The following CENPE variants were observed in gnomAD, a reference collection of about 807,000 sequenced individuals.
The protein encoded by CENPE is centromere-associated protein E.
A neutral mutation model predicts 336.1 loss-of-function variants in CENPE; 145 were observed. The observed-to-expected ratio is 0.43, with a 90% CI of 0.38 to 0.50. The LOEUF is 0.50. Ranked by LOEUF, CENPE falls within the 20% of genes least tolerant of loss-of-function variation. The pLI, the probability that CENPE is intolerant of heterozygous loss-of-function variation, is 0.00. For synonymous variants in CENPE, 1,013 were observed against 984.8 expected, an observed-to-expected ratio of 1.03 and a Z score of -0.54; for missense variants, 2,719 against 3,023.3, an observed-to-expected ratio of 0.90 and a Z score of 2.36.
At chr4:103,190,402 G>A (rs139787862) in intron 8 of CENPE, among the ~76,000 whole-genome samples, 1 of 152,210 alleles carries the variant, frequency 6.6e-6, no homozygotes, top group Non-Finnish European at 1.5e-5. Context: ...ATACTACAAG[G>A]CTACAGTAAC....
chr4:103,136,322 T>G lies in CENPE; in HGVS notation c.6341A>C (p.Tyr2114Ser), dbSNP rs1420646955. 1 of 1,612,236 alleles carries G rather than the reference T, an allele frequency of 6.2e-7. No homozygotes were observed. Among genetic ancestry groups the G allele is most frequent in the Non-Finnish European group, 8.5e-7 (1 of 1,179,532 alleles). Residue 2114 changes from tyrosine (Y) to serine (S), a missense_variant, in exon 40 of 49, where the codon TAT becomes TCT. By Grantham distance (144) the Tyr-to-Ser change is moderately radical. Coordinates refer to ENST00000265148, the MANE Select transcript of CENPE (RefSeq NM_001813.3). ...AAGAGACAATCTATTCAAGCACTCATAATGATCATCCATCTCTGAGTATCT... is the reference window on the plus strand; with the variant it reads ...AAGAGACAATCTATTCAAGCACTCAGAATGATCATCCATCTCTGAGTATCT... ...LKRYSEMDDH[Y>S]ECLNRLSLDL...
intron 34 of CENPE, 64 bp from the exon 35 acceptor site, chr4:103,141,972 G>A: frequency 2.0e-6 from 2 of 1,013,424 alleles, no homozygotes; most frequent in South Asian, 1.5e-5. Flanking sequence ...AAAAAATAAA[G>A]TGATATATTT....
intron 39 of CENPE, among the ~76,000 whole-genome samples, chr4:103,136,923 T>C (rs1298434247): frequency 6.6e-6 from 1 of 152,190 alleles, no homozygotes; most frequent in African/African-American, 2.4e-5. Context: ...GGGAAGTCAC[T>C]GAGCCATTTT....
intron 44 of CENPE, among the ~76,000 whole-genome samples, chr4:103,118,192 C>T (rs1245883287): frequency 6.6e-6 from 1 of 152,134 alleles, no homozygotes; most frequent in African/African-American, 2.4e-5. Flanking sequence ...TTTCCACTAG[C>T]AATTAATGAG....
intron 46 of CENPE, among the ~76,000 whole-genome samples, chr4:103,112,688 A>C (rs1560587896): frequency 7.5e-6 from 1 of 132,590 alleles, no homozygotes; most frequent in African/African-American, 2.8e-5. Context: ...ACTTGTAAGT[A>C]TATATAAGTG....
At chr4:103,142,136 A>G (rs1752614785) in intron 34 of CENPE, among the ~76,000 whole-genome samples, 1 of 152,152 alleles carries the variant, frequency 6.6e-6, no homozygotes, top group Non-Finnish European at 1.5e-5. Context: ...AGTGTTGCAT[A>G]GTATTTCGAT....
intron 46 of CENPE, among the ~76,000 whole-genome samples, chr4:103,112,353 A>G (rs1396071678): frequency 6.8e-6 from 1 of 147,348 alleles, no homozygotes; most frequent in Non-Finnish European, 1.5e-5. Context: ...ATATAAGTAT[A>G]TATATGTAAG....
At chr4:103,175,762 C>G (rs1005579206) in intron 15 of CENPE, among the ~76,000 whole-genome samples, 198 bp downstream of exon 15, 1 of 152,142 alleles carries the variant, frequency 6.6e-6, no homozygotes, top group Non-Finnish European at 1.5e-5. Context: ...GGTTTACCTA[C>G]TAGCACATGT....
intron 45 of CENPE, among the ~76,000 whole-genome samples, 165 bp from the exon 46 acceptor site, chr4:103,114,717 G>A (rs977955589): frequency 2.0e-5 from 3 of 152,212 alleles, no homozygotes; most frequent in African/African-American, 7.2e-5. Context: ...TGTGCCTTAT[G>A]GCATTAATGC....
chr4:103,153,392 GA>G (rs1174447480), intron 24 of CENPE, 142 bp from the exon 25 acceptor site: 1 of 617,272 alleles, frequency 1.6e-6, no homozygotes, highest in Non-Finnish European at 2.8e-6. Flanking sequence ...GTAACTTTAT[GA>G]GGTAGGTATT....
At chr4:103,124,280 G>T (rs1034042859) in intron 42 of CENPE, among the ~76,000 whole-genome samples, 6 of 152,156 alleles carry the variant, frequency 3.9e-5, no homozygotes, top group African/African-American at 7.2e-5. Context: ...TACTTTAAAA[G>T]AATGTGAACA....
In CENPE at chr4:103,191,661, G is replaced by C. The variant is rs533483944; in HGVS notation, c.693+2568C>G. 1.1e-4 allele frequency among the ~76,000 whole-genome samples: 15 copies of C among 136,644 alleles called. 1 individual carries two copies. In the South Asian group the frequency reaches 4.2e-3, roughly 38 times the overall value. The allele number at this position is 136,644 out of a possible 152,430, so 89.6% of individuals were successfully genotyped here. On this transcript the variant is annotated intron_variant, in intron 8 of 48. Coordinates refer to ENST00000265148, the MANE Select transcript of CENPE (RefSeq NM_001813.3). ...CGGGGCCTGTTGTGGGGTGGGGGGA[G>C]GGGGGGATAGCATTAGGAGATATAC... is the stretch of plus-strand genomic sequence containing the variant.
In CENPE at chr4:103,113,495, T is replaced by C. The variant is rs1749772407; in HGVS notation, c.7540+960A>G. 3.5e-5 allele frequency among the ~76,000 whole-genome samples: 5 copies of C among 141,128 alleles called. No individual in the cohort carries two copies. In the South Asian group the frequency reaches 1.1e-3, roughly 30 times the overall value. The allele number at this position is 141,128 out of a possible 152,430, so 92.6% of individuals were successfully genotyped here. On this transcript the variant is annotated intron_variant, in intron 46 of 48. Coordinates refer to ENST00000265148, the MANE Select transcript of CENPE (RefSeq NM_001813.3). The stretch of plus-strand genomic sequence containing the variant: ...ATAACTTATATATTACTTATATATG[T>C]TATACTTATATATATTATAATATAT...
At chr4:103,163,795 C>T (rs933449608) in intron 16 of CENPE, among the ~76,000 whole-genome samples, 3 of 151,818 alleles carry the variant, frequency 2.0e-5, no homozygotes, top group African/African-American at 7.3e-5. Context: ...TCAGCATGAC[C>T]CCACCAAGTA....
intron 8 of CENPE, among the ~76,000 whole-genome samples, chr4:103,189,882 T>C (rs574034447): frequency 1.3e-5 from 2 of 152,172 alleles, no homozygotes; most frequent in Non-Finnish European, 2.9e-5. Flanking sequence ...TGATTGTGTA[T>C]CTAGAAAACC....
At chr4:103,189,768 C>T (rs1757133698) in intron 8 of CENPE, among the ~76,000 whole-genome samples, 1 of 152,164 alleles carries the variant, frequency 6.6e-6, no homozygotes, top group Admixed American at 6.5e-5. Context: ...TCCTATTCAA[C>T]ATAGTGTTGG....
Position 103,109,046 on chromosome 4 carries a change from T to C in CENPE, c.7768A>G (p.Arg2590Gly). ...TTGTGAGCCTCTCTTTTAAGGGTTC[T>C]TTCCTTCCAAGTTTTGACCTCATTG... ...LSNEVKTWKE[R>G]TLKREAHKQV... Residue 2590 changes from arginine to glycine, a missense_variant, in exon 48 of 49, where the codon AGA (arginine) becomes GGA (glycine). Coordinates refer to ENST00000265148, the MANE Select transcript of CENPE (RefSeq NM_001813.3). The C allele has an allele frequency of 6.2e-7, 1 of 1,613,258 alleles. No homozygotes were observed. Among genetic ancestry groups the C allele is most frequent in the Non-Finnish European group, 8.5e-7 (1 of 1,179,654 alleles).
At chr4:103,131,742 C>T (rs1156284130) in intron 42 of CENPE, among the ~76,000 whole-genome samples, 1 of 152,072 alleles carries the variant, frequency 6.6e-6, no homozygotes, top group African/African-American at 2.4e-5. Context: ...CAGGTACATA[C>T]ACACAATGGA....
intron 39 of CENPE, among the ~76,000 whole-genome samples, chr4:103,136,730 T>G (rs2711901): frequency 0.16 from 24,559 of 152,084 alleles, 2,348 homozygotes; most frequent in Non-Finnish European, 0.2. Context: ...CATGGTTGAG[T>G]GCTGGTTTAT....
Sources: allele counts gnomAD v4.1 joint callset (sites outside exome capture counted in the v4.1 genomes callset), GRCh38; gene constraint gnomAD v4.1.1; transcripts MANE v1.5; gene names NCBI Gene and HGNC (gene_info 2026-07-23, HGNC 2026-07-21).